NINL: variants seen among roughly 807,000 people sequenced by gnomAD.
NINL encodes ninein-like protein.
NINL carries 153 observed loss-of-function variants against 160.3 expected under a neutral mutation model. The observed-to-expected ratio is 0.95, with a 90% CI of 0.84 to 1.09. NINL has a LOEUF of 1.09. Ranked by LOEUF, NINL falls within the 50% of genes least tolerant of loss-of-function variation. NINL has a pLI of 0.00. For missense variants in NINL, 1,829 were observed against 1,764.0 expected (o/e 1.04, Z -0.66); for synonymous variants, 800 against 734.8 (o/e 1.09, Z -1.43).
At chr20:25,528,939 T>C (rs993025295) in intron 1 of NINL, among the ~76,000 whole-genome samples, 1 of 152,196 alleles carries the variant, frequency 6.6e-6, no homozygotes, top group Non-Finnish European at 1.5e-5. Context: ...CAGTTCTATA[T>C]AGATGTCGCT....
At chr20:25,492,286 A>T (rs1030403827) in intron 10 of NINL, among the ~76,000 whole-genome samples, 20 of 152,252 alleles carry the variant, frequency 1.3e-4, no homozygotes, top group African/African-American at 4.6e-4. Flanking sequence ...TTAATACTCC[A>T]TAAATCTTTT....
intron 1 of NINL, among the ~76,000 whole-genome samples, chr20:25,582,916 A>G (rs1370716758): frequency 1.3e-5 from 2 of 152,228 alleles, no homozygotes; most frequent in Admixed American, 1.3e-4. Context: ...TGCTGGGAAA[A>G]CTGGCTAGCC....
intron 13 of NINL, among the ~76,000 whole-genome samples, chr20:25,486,178 T>G (rs961678240): frequency 1.3e-5 from 2 of 152,242 alleles, no homozygotes; most frequent in African/African-American, 4.8e-5. Flanking sequence ...TTTGTAACTA[T>G]GAAAGTTTGA....
chr20:25,574,478 A>G (rs2065092068), intron 1 of NINL, among the ~76,000 whole-genome samples: 1 of 152,214 alleles, frequency 6.6e-6, no homozygotes, highest in Admixed American at 6.5e-5. Context: ...TGGCTATCAG[A>G]ACACACGAAG....
rs769071183 is a variant in NINL at position 25,476,439 on chromosome 20, G to C, written c.2852C>G (p.Ser951Trp). ...LPLLGTERDASQTQPRMWEPP... is the reference protein window; with the variant it reads ...LPLLGTERDAWQTQPRMWEPP... The stretch of plus-strand genomic sequence containing the variant: ...CTCCCACATCCGTGGCTGGGTTTGC[G>C]AGGCGTCTCTCTCTGTTCCCAGCAG... Residue 951 changes from serine to tryptophan, a missense_variant, in exon 17 of 24, where the codon TCG (serine) becomes TGG (tryptophan). Transcript: ENST00000278886. The C allele has an allele frequency of 1.1e-5, 18 of 1,608,856 alleles. No individual in the cohort carries two copies. The highest frequency in any genetic ancestry group is 4.0e-5 in the African/African-American group (3 of 74,920).
chr20:25,578,487 T>C (rs2065140160), intron 1 of NINL, among the ~76,000 whole-genome samples: 1 of 152,022 alleles, frequency 6.6e-6, no homozygotes, highest in Non-Finnish European at 1.5e-5. Context: ...TCCTTAATAC[T>C]CTTGCTTAAA....
intron 13 of NINL, among the ~76,000 whole-genome samples, chr20:25,486,113 A>T (rs2063498688): frequency 6.6e-6 from 1 of 152,242 alleles, no homozygotes; most frequent in African/African-American, 2.4e-5. Flanking sequence ...GTGAAATGTG[A>T]ACAGTTGCAT....
At chr20:25,533,588 T>C (rs546993813) in intron 1 of NINL, among the ~76,000 whole-genome samples, 34 of 152,228 alleles carry the variant, frequency 2.2e-4, no homozygotes, top group East Asian at 7.7e-4. Flanking sequence ...CAGGCAGACA[T>C]AGACCCATGG....
chr20:25,526,218 C>A (rs2064355216), intron 2 of NINL, among the ~76,000 whole-genome samples, 190 bp downstream of exon 2: 1 of 152,208 alleles, frequency 6.6e-6, no homozygotes, highest in South Asian at 2.1e-4. Context: ...ACATTAAAAA[C>A]AAGTAATCTT....
At chr20:25,568,052 C>A in intron 1 of NINL, among the ~76,000 whole-genome samples, 1 of 150,624 alleles carries the variant, frequency 6.6e-6, no homozygotes, top group Non-Finnish European at 1.5e-5. Flanking sequence ...CTGAAGCAAG[C>A]AGAAGAATGA....
rs190198815 is a variant in NINL, at chr20:25,510,657, C to T, written c.517+17G>A. On this transcript the variant is annotated intron_variant, in intron 5 of 23. Coordinates refer to ENST00000278886, the MANE Select transcript of NINL (RefSeq NM_025176.6). Reference sequence around the variant, plus strand: ...GGGCAAAGGCAGAGAGCACTGAATGCGAGGCTGAGGCTTTACCTTGTGCTT... The same window carrying T: ...GGGCAAAGGCAGAGAGCACTGAATGTGAGGCTGAGGCTTTACCTTGTGCTT... 29 of 1,612,072 alleles carry T rather than the reference C, an allele frequency of 1.8e-5. No homozygotes were observed. Among genetic ancestry groups the T allele is most frequent in the Middle Eastern group, 1.8e-4 (1 of 5,596 alleles).
intron 21 of NINL, among the ~76,000 whole-genome samples, chr20:25,459,559 CTG>C (rs1284094850): frequency 6.6e-6 from 1 of 152,306 alleles, no homozygotes; most frequent in African/African-American, 2.4e-5. Flanking sequence ...GACGGTCACT[CTG>C]GCTGCCGCCG....
intron 1 of NINL, among the ~76,000 whole-genome samples, chr20:25,535,179 G>A (rs995460649): frequency 2.0e-5 from 3 of 152,154 alleles, no homozygotes; most frequent in African/African-American, 7.2e-5. Flanking sequence ...AGAGACAAAC[G>A]CCACAGACCT....
chr20:25,525,486 T>C (rs942299172), intron 2 of NINL, among the ~76,000 whole-genome samples: 4 of 151,966 alleles, frequency 2.6e-5, no homozygotes, highest in Non-Finnish European at 4.4e-5. Context: ...ACCCCATCTC[T>C]ACAAAAAAAA....
intron 7 of NINL, among the ~76,000 whole-genome samples, chr20:25,501,933 T>A (rs2063875865): frequency 6.6e-6 from 1 of 152,290 alleles, no homozygotes. Context: ...GGGTCCTCAT[T>A]GATTTTTTTC....
At chr20:25,575,536 A>C (rs2065105698) in intron 1 of NINL, among the ~76,000 whole-genome samples, 1 of 151,194 alleles carries the variant, frequency 6.6e-6, no homozygotes, top group Non-Finnish European at 1.5e-5. Context: ...ATGGATCATG[A>C]GGTCAGGAAT....
At chr20:25,530,439 G>A (rs886843421) in intron 1 of NINL, among the ~76,000 whole-genome samples, 1 of 152,056 alleles carries the variant, frequency 6.6e-6, no homozygotes, top group African/African-American at 2.4e-5. Context: ...GAGACGTTGG[G>A]CAAATCCAGG....
chr20:25,463,866 T>A (rs1314377727), intron 19 of NINL, among the ~76,000 whole-genome samples: 1 of 152,186 alleles, frequency 6.6e-6, no homozygotes, highest in African/African-American at 2.4e-5. Flanking sequence ...CCTCACCTCA[T>A]CCCTTCCCTA....
chr20:25,576,089 C>A (rs1408502767), intron 1 of NINL, among the ~76,000 whole-genome samples: 4 of 152,206 alleles, frequency 2.6e-5, no homozygotes, highest in Non-Finnish European at 5.9e-5. Flanking sequence ...GTCCATGGTG[C>A]CAACAATGTC....
Sources: allele counts gnomAD v4.1 joint callset (sites outside exome capture counted in the v4.1 genomes callset), GRCh38; gene constraint gnomAD v4.1.1; transcripts MANE v1.5; gene names NCBI Gene and HGNC (gene_info 2026-07-23, HGNC 2026-07-21).